Variants in PLCB4 observed in about 807,000 individuals in gnomAD.
The protein encoded by PLCB4 is 1-phosphatidylinositol 4,5-bisphosphate phosphodiesterase beta-4.
PLCB4 carries 77 observed loss-of-function variants against 178.8 expected under a neutral mutation model. The ratio of observed to expected loss-of-function variants is 0.43; its 90% CI spans 0.36 to 0.52. PLCB4 has a LOEUF of 0.52. PLCB4 is among the 20% of genes least tolerant of loss of function. The pLI, the probability that PLCB4 is intolerant of heterozygous loss-of-function variation, is 0.00. For synonymous variants in PLCB4, 496 were observed against 490.8 expected, an observed-to-expected ratio of 1.01 and a Z score of -0.14; for missense variants, 1,024 against 1,453.4, an observed-to-expected ratio of 0.70 and a Z score of 4.80.
At chr20:9,451,083 A>T (rs2042741041) in intron 32 of PLCB4, among the ~76,000 whole-genome samples, 2 of 152,146 alleles carry the variant, frequency 1.3e-5, no homozygotes, top group African/African-American at 2.4e-5. Context: ...CTGACTTTTT[A>T]TTCATGCGAT....
chr20:9,365,270 A>G (rs1182529732), intron 8 of PLCB4, among the ~76,000 whole-genome samples, 191 bp from the exon 9 acceptor site: 1 of 152,226 alleles, frequency 6.6e-6, no homozygotes, highest in Non-Finnish European at 1.5e-5. Context: ...CTGAAATTCA[A>G]GTTTAACTGA....
intron 4 of PLCB4, among the ~76,000 whole-genome samples, chr20:9,328,144 A>T (rs1386754155): frequency 6.6e-6 from 1 of 152,184 alleles, no homozygotes; most frequent in Admixed American, 6.5e-5. Flanking sequence ...ACATCAAATG[A>T]GGGGTAAATT....
At chr20:9,315,948 A>T (rs6056530) in intron 4 of PLCB4, among the ~76,000 whole-genome samples, 33 of 151,246 alleles carry the variant, frequency 2.2e-4, no homozygotes, top group African/African-American at 7.8e-4. Flanking sequence ...CTAAAAAAAA[A>T]TTAAAAAAAA....
chr20:9,361,247 A>G (rs1602102565), intron 7 of PLCB4, among the ~76,000 whole-genome samples: 2 of 152,248 alleles, frequency 1.3e-5, no homozygotes, highest in Non-Finnish European at 2.9e-5. Context: ...GCAATTCACA[A>G]TGGACAGGGA....
intron 3 of PLCB4, among the ~76,000 whole-genome samples, chr20:9,232,874 G>A (rs945607036): frequency 3.3e-5 from 5 of 152,066 alleles, no homozygotes; most frequent in Admixed American, 6.6e-5. Flanking sequence ...TTCAGTCTCC[G>A]ATAGTTTAAA....
intron 3 of PLCB4, among the ~76,000 whole-genome samples, chr20:9,247,751 G>A (rs994505517): frequency 6.6e-6 from 1 of 152,170 alleles, no homozygotes; most frequent in African/African-American, 2.4e-5. Context: ...TAGATTTCCT[G>A]GAGGTCCTGA....
intron 2 of PLCB4, among the ~76,000 whole-genome samples, chr20:9,190,400 C>A (rs931699737): frequency 2.6e-5 from 4 of 152,190 alleles, no homozygotes; most frequent in Admixed American, 2.0e-4. Flanking sequence ...CTCTCTCCTG[C>A]CACCATGTGA....
chr20:9,324,048 G>A (rs902439019), intron 4 of PLCB4, among the ~76,000 whole-genome samples: 9 of 152,082 alleles, frequency 5.9e-5, no homozygotes, highest in Non-Finnish European at 1.2e-4. Context: ...TGTCTTGCCT[G>A]TAATCTCAGC....
At chr20:9,273,397 T>A (rs2094423182) in intron 3 of PLCB4, among the ~76,000 whole-genome samples, 1 of 152,102 alleles carries the variant, frequency 6.6e-6, no homozygotes, top group Admixed American at 6.6e-5. Flanking sequence ...AAGTACTTGC[T>A]GAAGATCACA....
At chr20:9,362,471 C>T (rs1347572681) in intron 7 of PLCB4, among the ~76,000 whole-genome samples, 2 of 152,178 alleles carry the variant, frequency 1.3e-5, no homozygotes, top group African/African-American at 4.8e-5. Flanking sequence ...TTGAAAGGAT[C>T]ACACAATAAA....
intron 3 of PLCB4, among the ~76,000 whole-genome samples, chr20:9,291,366 CA>C: frequency 6.6e-6 from 1 of 152,132 alleles, no homozygotes; most frequent in Admixed American, 6.6e-5. Context: ...CCAATTTGCA[CA>C]GTAAATTTCC....
At chr20:9,304,737 T>A (rs968062241) in intron 3 of PLCB4, among the ~76,000 whole-genome samples, 1 of 149,960 alleles carries the variant, frequency 6.7e-6, no homozygotes, top group Non-Finnish European at 1.5e-5. Context: ...ATGTGATGTA[T>A]TATTACTCTG....
Position 9,453,741 on chromosome 20 carries a change from T to C in PLCB4, c.2996+279T>C, listed in dbSNP as rs1250792606. Among the ~76,000 whole-genome samples, 5 of 152,204 alleles carry C rather than the reference T, an allele frequency of 3.3e-5. No individual in the cohort carries two copies. In the South Asian group the frequency reaches 1.0e-3, roughly 32 times the overall value. On this transcript the variant is annotated intron_variant, in intron 33 of 39. Coordinates refer to ENST00000378473, the MANE Select transcript of PLCB4 (RefSeq NM_001377142.1). ...TATTTCTAATATGAGAAAGAAATCTTAGCCTCAAATAATTGAAAAAATACC... is the reference window on the plus strand; with the variant it reads ...TATTTCTAATATGAGAAAGAAATCTCAGCCTCAAATAATTGAAAAAATACC...
intron 3 of PLCB4, among the ~76,000 whole-genome samples, chr20:9,220,305 T>C (rs886137488): frequency 1.3e-5 from 2 of 152,222 alleles, no homozygotes; most frequent in African/African-American, 4.8e-5. Context: ...CTATCTAATG[T>C]TGGGGGTGCT....
intron 2 of PLCB4, among the ~76,000 whole-genome samples, chr20:9,190,555 G>A (rs547607737): frequency 5.3e-5 from 8 of 152,136 alleles, no homozygotes; most frequent in Non-Finnish European, 1.2e-4. Context: ...AGCAGTGTGA[G>A]AACAGACTAA....
intron 25 of PLCB4, among the ~76,000 whole-genome samples, chr20:9,415,555 G>A (rs1475732503): frequency 2.6e-5 from 4 of 152,026 alleles, no homozygotes; most frequent in Non-Finnish European, 5.9e-5. Context: ...TCTCTCCCTC[G>A]CTTGCCTTCC....
At chr20:9,466,793 G>A (rs1331552637) in intron 35 of PLCB4, among the ~76,000 whole-genome samples, 2 of 152,200 alleles carry the variant, frequency 1.3e-5, no homozygotes, top group Admixed American at 1.3e-4. Flanking sequence ...ATGCTGGAGA[G>A]GACGTGGAGA....
chr20:9,312,800 T>A (rs746143155), intron 4 of PLCB4, among the ~76,000 whole-genome samples: 1 of 152,154 alleles, frequency 6.6e-6, no homozygotes, highest in African/African-American at 2.4e-5. Context: ...AAAGGAAAAG[T>A]GAAGTAAGTT....
At chr20:9,314,767 C>A (rs1252580873) in intron 4 of PLCB4, among the ~76,000 whole-genome samples, 1 of 152,094 alleles carries the variant, frequency 6.6e-6, no homozygotes, top group East Asian at 1.9e-4. Flanking sequence ...GTGATTGTTG[C>A]TGCCTGATGG....
Sources: allele counts gnomAD v4.1 joint callset (sites outside exome capture counted in the v4.1 genomes callset), GRCh38; gene constraint gnomAD v4.1.1; transcripts MANE v1.5; gene names NCBI Gene and HGNC (gene_info 2026-07-23, HGNC 2026-07-21).